Variants in GALNT13 observed in about 807,000 individuals in gnomAD.
GALNT13 encodes the protein UDP-GalNAc:polypeptide N-acetylgalactosaminyltransferase 13.
In GALNT13, 28 loss-of-function variants were observed where a neutral mutation model predicts 64.2. The ratio of observed to expected loss-of-function variants is 0.44; its 90% CI spans 0.32 to 0.60. The LOEUF (loss-of-function observed/expected upper bound fraction) is 0.60. GALNT13 is among the 20% of genes least tolerant of loss of function. The probability of loss-of-function intolerance (pLI) is 0.05; values close to 1 mark genes in which losing one functional copy is unlikely to be tolerated. For synonymous variants in GALNT13, 214 were observed against 224.6 expected, an observed-to-expected ratio of 0.95 and a Z score of 0.42; for missense variants, 577 against 669.8, an observed-to-expected ratio of 0.86 and a Z score of 1.53.
chr2:153,755,395 C>T, the GALNT13 span, among the ~76,000 whole-genome samples: 1 of 151,902 alleles, frequency 6.6e-6, no homozygotes, highest in Admixed American at 6.6e-5. Flanking sequence ...TCCCATTTGC[C>T]CACATCCTGG....
At chr2:153,580,879 A>G in the GALNT13 span, among the ~76,000 whole-genome samples, 3 of 152,118 alleles carry the variant, frequency 2.0e-5, no homozygotes, top group African/African-American at 7.2e-5. Flanking sequence ...TGTATAAAGG[A>G]ATTATTTCAA....
intron 3 of GALNT13, among the ~76,000 whole-genome samples, chr2:153,989,611 A>G (rs1402204223): frequency 1.3e-5 from 2 of 152,010 alleles, no homozygotes; most frequent in Non-Finnish European, 2.9e-5. Context: ...TTACGTAAGG[A>G]AAGGTATATG....
chr2:154,035,548 G>A (rs1698611388), intron 3 of GALNT13, among the ~76,000 whole-genome samples: 1 of 151,910 alleles, frequency 6.6e-6, no homozygotes, highest in Non-Finnish European at 1.5e-5. Context: ...TTTTTAAGTG[G>A]AAAATTATTT....
intron 2 of GALNT13, among the ~76,000 whole-genome samples, chr2:153,939,953 A>G (rs757986649): frequency 2.6e-5 from 4 of 152,136 alleles, no homozygotes; most frequent in African/African-American, 9.7e-5. Context: ...AATCATGACA[A>G]TGTAACTCTG....
intron 3 of GALNT13, among the ~76,000 whole-genome samples, chr2:153,962,646 G>T (rs999223239): frequency 4.6e-5 from 7 of 152,136 alleles, no homozygotes; most frequent in Non-Finnish European, 1.0e-4. Flanking sequence ...AATAATTAAG[G>T]AACTTATTTC....
At chr2:154,139,542 G>A (rs1054015743) in intron 3 of GALNT13, among the ~76,000 whole-genome samples, 1 of 151,580 alleles carries the variant, frequency 6.6e-6, no homozygotes, top group African/African-American at 2.4e-5. Context: ...ACTCTGAAGA[G>A]TAACTTCAGG....
chr2:154,423,692 C>A (rs1343131948), intron 11 of GALNT13, among the ~76,000 whole-genome samples: 26 of 152,078 alleles, frequency 1.7e-4, no homozygotes, highest in Admixed American at 1.7e-3. Context: ...CTCTGGGATC[C>A]CTTGTACAGA....
At chr2:153,791,740 G>A in the GALNT13 span, among the ~76,000 whole-genome samples, 1 of 152,146 alleles carries the variant, frequency 6.6e-6, no homozygotes, top group Non-Finnish European at 1.5e-5. Context: ...ATACTATGCA[G>A]CCATAAAAAA....
the GALNT13 span, among the ~76,000 whole-genome samples, chr2:153,226,872 G>A: frequency 6.6e-6 from 1 of 152,238 alleles, no homozygotes; most frequent in Non-Finnish European, 1.5e-5. Flanking sequence ...AATGAAAGAT[G>A]TGAATAATAG....
the GALNT13 span, among the ~76,000 whole-genome samples, chr2:153,494,570 C>T: frequency 1.3e-5 from 2 of 151,862 alleles, no homozygotes; most frequent in Admixed American, 1.3e-4. Flanking sequence ...GAAAAGTGAA[C>T]ATTTACCCTT....
intron 3 of GALNT13, among the ~76,000 whole-genome samples, chr2:154,017,057 A>G (rs1265849498): frequency 1.3e-5 from 2 of 152,158 alleles, no homozygotes; most frequent in Admixed American, 1.3e-4. Flanking sequence ...ACATATAGAC[A>G]AAAGAAAACC....
At chr2:153,991,552 A>G (rs1695156753) in intron 3 of GALNT13, among the ~76,000 whole-genome samples, 1 of 152,172 alleles carries the variant, frequency 6.6e-6, no homozygotes, top group Non-Finnish European at 1.5e-5. Flanking sequence ...AAAATATATA[A>G]TGAACCATCA....
intron 4 of GALNT13, among the ~76,000 whole-genome samples, chr2:154,218,359 A>G (rs550017376): frequency 1.3e-5 from 2 of 152,148 alleles, no homozygotes; most frequent in South Asian, 4.2e-4. Context: ...GCCTGTGAAC[A>G]TTCTCCCATT....
intron 4 of GALNT13, among the ~76,000 whole-genome samples, chr2:154,162,974 A>ATT (rs199932056): frequency 1.4e-5 from 2 of 140,748 alleles, no homozygotes; most frequent in Admixed American, 1.4e-4. Flanking sequence ...TTATTTTTCT[A>ATT]TTTTTTTTTT....
At chr2:154,225,391 T>A (rs1188718092) in intron 4 of GALNT13, among the ~76,000 whole-genome samples, 1 of 152,030 alleles carries the variant, frequency 6.6e-6, no homozygotes, top group Non-Finnish European at 1.5e-5. Flanking sequence ...GTTCACACAT[T>A]GATGATGTGA....
At chr2:153,192,833 C>T in the GALNT13 span, among the ~76,000 whole-genome samples, 60 of 151,842 alleles carry the variant, frequency 4.0e-4, no homozygotes, top group Middle Eastern at 6.8e-3. Context: ...CTATTGGCTT[C>T]TGTTTGCATA....
At chr2:153,558,182 T>C in the GALNT13 span, among the ~76,000 whole-genome samples, 1 of 152,214 alleles carries the variant, frequency 6.6e-6, no homozygotes, top group South Asian at 2.1e-4. Flanking sequence ...AGTGAACAGA[T>C]GTTTAAATAC....
chr2:153,994,429 C>T (rs986373768), intron 3 of GALNT13, among the ~76,000 whole-genome samples: 5 of 152,168 alleles, frequency 3.3e-5, no homozygotes, highest in African/African-American at 1.2e-4. Flanking sequence ...TGGGTGTATA[C>T]CCAGTAATGG....
the GALNT13 span, among the ~76,000 whole-genome samples, chr2:153,146,527 G>A: frequency 6.6e-6 from 1 of 151,830 alleles, no homozygotes; most frequent in Non-Finnish European, 1.5e-5. Context: ...TCAATGATAG[G>A]CACAGGTTCC....
Sources: gnomAD v4.1 joint callset for allele counts (sites outside exome capture counted in the v4.1 genomes callset) on GRCh38, gnomAD v4.1.1 for gene constraint, MANE v1.5 for transcripts, NCBI Gene and HGNC (gene_info 2026-07-23, HGNC 2026-07-21) for gene names.